The following TTC17 variants were observed in gnomAD, a reference collection of about 807,000 sequenced individuals.
TTC17 encodes tetratricopeptide repeat protein 17.
TTC17 carries 58 observed loss-of-function variants against 143.8 expected under a neutral mutation model. The observed-to-expected ratio is 0.40, with a 90% CI of 0.33 to 0.50. The LOEUF (loss-of-function observed/expected upper bound fraction) is 0.50. Among genes scored for constraint, TTC17 ranks in the 20% least tolerant of loss-of-function variants. TTC17 has a pLI of 0.49. For synonymous variants in TTC17, 501 were observed against 497.8 expected (o/e 1.01, Z -0.09); for missense variants, 1,273 against 1,392.5 (o/e 0.91, Z 1.37).
intron 5 of TTC17, among the ~76,000 whole-genome samples, chr11:43,394,068 A>G (rs1051758300): frequency 6.6e-6 from 1 of 152,194 alleles, no homozygotes; most frequent in African/African-American, 2.4e-5. Context: ...AATCCTTATG[A>G]CTTCATTTAG....
At chr11:43,491,821 A>G in intron 22 of TTC17, 199 bp from the exon 23 acceptor site, 1 of 628,920 alleles carries the variant, frequency 1.6e-6, no homozygotes, top group East Asian at 2.7e-5. Context: ...TTCGCCAATG[A>G]AAGAAGTAAT....
At chr11:43,492,594 TTAAG>T (rs942225256) in intron 23 of TTC17, among the ~76,000 whole-genome samples, 3 of 152,230 alleles carry the variant, frequency 2.0e-5, no homozygotes, top group Non-Finnish European at 4.4e-5. Context: ...AATTTTTTGT[TTAAG>T]TATTTGTCTT....
At chr11:43,370,017 A>G (rs555679221) in intron 1 of TTC17, 6 of 447,258 alleles carry the variant, frequency 1.3e-5, no homozygotes, top group South Asian at 4.8e-5. Flanking sequence ...AGTTTTCTCA[A>G]TCTCATACAA....
At chr11:43,433,260 A>G (rs1267308570) in intron 16 of TTC17, among the ~76,000 whole-genome samples, 1 of 152,114 alleles carries the variant, frequency 6.6e-6, no homozygotes, top group Non-Finnish European at 1.5e-5. Flanking sequence ...CAGCCTCCCA[A>G]AGTGCTGGAA....
intron 21 of TTC17, among the ~76,000 whole-genome samples, chr11:43,471,963 G>A (rs1440730729): frequency 6.6e-6 from 1 of 152,074 alleles, no homozygotes; most frequent in African/African-American, 2.4e-5. Context: ...AGTACTTCAG[G>A]TACTGGAGTA....
At chr11:43,418,226 G>A (rs1180242773) in intron 16 of TTC17, among the ~76,000 whole-genome samples, 1 of 152,154 alleles carries the variant, frequency 6.6e-6, no homozygotes, top group Non-Finnish European at 1.5e-5. Flanking sequence ...GCTGCCATTT[G>A]TTAGATTCAT....
At chr11:43,392,163 A>G (rs114400925) in intron 5 of TTC17, among the ~76,000 whole-genome samples, 3 of 152,362 alleles carry the variant, frequency 2.0e-5, no homozygotes, top group African/African-American at 7.2e-5. Flanking sequence ...GATGCTGGAA[A>G]GTTTTATCTA....
chr11:43,401,406 A>T, intron 9 of TTC17, 40 bp from the exon 10 acceptor site: 2 of 1,399,226 alleles, frequency 1.4e-6, no homozygotes, highest in Non-Finnish European at 2.0e-6. Flanking sequence ...GGCATTGTTG[A>T]CCTTGCTCAT....
At chr11:43,380,003 C>G (rs1565134555) in intron 2 of TTC17, among the ~76,000 whole-genome samples, 1 of 151,450 alleles carries the variant, frequency 6.6e-6, no homozygotes, top group Non-Finnish European at 1.5e-5. Flanking sequence ...TGTAAATAAA[C>G]TGTAAGTTGT....
chr11:43,447,841 G>T, intron 18 of TTC17, 161 bp from the exon 19 acceptor site: 1 of 803,296 alleles, frequency 1.2e-6, no homozygotes, highest in Non-Finnish European at 1.9e-6. Context: ...GCATAATGAC[G>T]AGATTTTAAT....
At position 43,397,475 on chromosome 11, in the gene TTC17, T is replaced by C; in HGVS notation, c.902T>C (p.Leu301Ser). ...DSDFFTSYYT[L>S]GNIYAMLGEY... ...GACTTCTTCACCAGCTATTACACTT[T>C]GGGGAATATATATGCAGTAAGTACT... Residue 301 changes from leucine to serine, a missense_variant, in exon 7 of 24, where the codon TTG becomes TCG. Transcript: ENST00000039989. 3 of 1,611,844 alleles carry C rather than the reference T, an allele frequency of 1.9e-6. No individual in the cohort carries two copies. The highest frequency in any genetic ancestry group is 2.5e-6 in the Non-Finnish European group (3 of 1,179,684).
At chr11:43,420,914 A>G (rs1040913101) in intron 16 of TTC17, among the ~76,000 whole-genome samples, 3 of 152,204 alleles carry the variant, frequency 2.0e-5, no homozygotes, top group African/African-American at 7.2e-5. Flanking sequence ...TTGATAGAGG[A>G]TATAATCTTC....
intron 3 of TTC17, among the ~76,000 whole-genome samples, chr11:43,390,945 T>G (rs1857361509): frequency 6.6e-6 from 1 of 152,214 alleles, no homozygotes; most frequent in Admixed American, 6.5e-5. Context: ...ATGATCTTAT[T>G]CTGTGACCTA....
At chr11:43,403,473 T>C (rs1487767144) in intron 10 of TTC17, among the ~76,000 whole-genome samples, 1 of 152,206 alleles carries the variant, frequency 6.6e-6, no homozygotes, top group Non-Finnish European at 1.5e-5. Context: ...GAAGGAAGGC[T>C]GTATATGTTT....
At chr11:43,391,672 T>C (rs1857395352) in intron 4 of TTC17, 96 bp downstream of exon 4, 1 of 1,282,844 alleles carries the variant, frequency 7.8e-7, no homozygotes, top group Admixed American at 2.6e-5. Context: ...TCTTCTCTCC[T>C]TCCTGACAGC....
Position 43,389,657 on chromosome 11 carries a change from A to G in TTC17, c.255A>G (p.Gln85=), listed in dbSNP as rs1030931061. The G allele has an allele frequency of 1.1e-5, 18 of 1,607,100 alleles. No individual in the cohort carries two copies. Among genetic ancestry groups the G allele is most frequent in the Non-Finnish European group, 1.4e-5 (17 of 1,178,016 alleles). The part of the protein sequence containing the change: ...TVNYLKELEK[Q]LVAQKIHIEE... Reference sequence around the variant, plus strand: ...TCTTACTTTCTTCTCAACAGAAACAATTAGTTGCTCAAAAAATTCACATAG... The same window carrying G: ...TCTTACTTTCTTCTCAACAGAAACAGTTAGTTGCTCAAAAAATTCACATAG... Residue 85 remains glutamine (Q), a synonymous_variant, in exon 3 of 24, where the codon CAA becomes CAG. Coordinates refer to ENST00000039989, the MANE Select transcript of TTC17 (RefSeq NM_018259.6).
chr11:43,413,775 C>T (rs1278991800), intron 15 of TTC17, among the ~76,000 whole-genome samples: 1 of 151,582 alleles, frequency 6.6e-6, no homozygotes, highest in Non-Finnish European at 1.5e-5. Context: ...TTAGACACCA[C>T]TGCAGCTCAC....
intron 21 of TTC17, chr11:43,466,619 C>T (rs1349602446): frequency 2.3e-5 from 7 of 307,864 alleles, no homozygotes; most frequent in South Asian, 7.4e-5. Context: ...AGTCCATCTA[C>T]GGGGATAAAT....
chr11:43,434,225 ACACACACT>A (rs1209360154), intron 16 of TTC17, among the ~76,000 whole-genome samples: 25 of 89,602 alleles, frequency 2.8e-4, no homozygotes, highest in African/African-American at 5.7e-4. Context: ...ACACACACAC[ACACACACT>A]CTCATGGCCT....
Sources: gnomAD v4.1 joint callset for allele counts (sites outside exome capture counted in the v4.1 genomes callset) on GRCh38, gnomAD v4.1.1 for gene constraint, MANE v1.5 for transcripts, NCBI Gene and HGNC (gene_info 2026-07-23, HGNC 2026-07-21) for gene names.